CNTN4: variants seen among roughly 807,000 people sequenced by gnomAD.
The protein encoded by CNTN4 is contactin-4.
A neutral mutation model predicts 122.5 loss-of-function variants in CNTN4; 77 were observed. The ratio of observed to expected loss-of-function variants is 0.63; its 90% CI spans 0.52 to 0.76. The LOEUF (loss-of-function observed/expected upper bound fraction) is 0.76. Among genes scored for constraint, CNTN4 ranks in the 30% least tolerant of loss-of-function variants. The probability of loss-of-function intolerance (pLI) is 0.00; values close to 1 mark genes in which losing one functional copy is unlikely to be tolerated. For missense variants in CNTN4, 1,256 were observed against 1,259.1 expected, an observed-to-expected ratio of 1.00 and a Z score of 0.04; for synonymous variants, 512 against 447.0, an observed-to-expected ratio of 1.15 and a Z score of -1.83.
rs1266008991 is a variant in CNTN4, at chr3:3,047,675, G to A, written c.2811+3971G>A. Among the ~76,000 whole-genome samples, 4 of 149,590 alleles carry A rather than the reference G, an allele frequency of 2.7e-5. No homozygotes were observed. The East Asian group carries it at 5.8e-4, about 22-fold the overall frequency. Reference sequence around the variant, plus strand: ...CACTAAATGCCCACAAGAGAAAGCAGGAAAGATCTAAAATTGACACCCTAA... The same window carrying A: ...CACTAAATGCCCACAAGAGAAAGCAAGAAAGATCTAAAATTGACACCCTAA... On this transcript the variant is annotated intron_variant, in intron 23 of 24. Coordinates refer to ENST00000418658, the MANE Select transcript of CNTN4 (RefSeq NM_175607.3).
Position 2,384,662 on chromosome 3 carries a change from A to G in CNTN4, c.-89+45429A>G, listed in dbSNP as rs1299132250. The stretch of plus-strand genomic sequence containing the variant: ...TCTTTTTCTTCTATGACACCTGAAT[A>G]GGACTCTCACATCTCCCATGCTCTT... On this transcript the variant is annotated intron_variant, in intron 3 of 24. Transcript: ENST00000418658. 2.6e-5 allele frequency among the ~76,000 whole-genome samples: 4 copies of G among 152,152 alleles called. No homozygotes were observed. In the East Asian group the frequency reaches 7.7e-4, roughly 29 times the overall value.
At chr3:2,833,141 G>C (rs2093138735) in intron 7 of CNTN4, among the ~76,000 whole-genome samples, 3 of 152,112 alleles carry the variant, frequency 2.0e-5, no homozygotes, top group Admixed American at 2.0e-4. Context: ...GAAAATGAAT[G>C]GATGCATCTC....
At chr3:2,708,750 C>G (rs1374075760) in intron 4 of CNTN4, among the ~76,000 whole-genome samples, 2 of 31,378 alleles carry the variant, frequency 6.4e-5, no homozygotes, top group Non-Finnish European at 1.9e-4. Flanking sequence ...CACACACACA[C>G]ACACACACAC....
At chr3:2,763,911 A>G (rs1032569720) in intron 6 of CNTN4, among the ~76,000 whole-genome samples, 3 of 150,126 alleles carry the variant, frequency 2.0e-5, no homozygotes, top group African/African-American at 7.3e-5. Flanking sequence ...GAAGTTGGGT[A>G]GCATGATGCC....
chr3:2,838,079 C>T (rs2093267648), intron 7 of CNTN4, among the ~76,000 whole-genome samples: 1 of 152,104 alleles, frequency 6.6e-6, no homozygotes, highest in Admixed American at 6.6e-5. Context: ...GCTGTTCTGT[C>T]AGTTTTGTGA....
intron 2 of CNTN4, among the ~76,000 whole-genome samples, chr3:2,285,989 A>G (rs1232542938): frequency 6.6e-6 from 1 of 152,128 alleles, no homozygotes; most frequent in East Asian, 1.9e-4. Flanking sequence ...ATATGTATAT[A>G]TTTTGATGCT....
chr3:2,860,383 T>C (rs769496567), intron 7 of CNTN4, among the ~76,000 whole-genome samples: 2 of 152,150 alleles, frequency 1.3e-5, no homozygotes, highest in Non-Finnish European at 2.9e-5. Flanking sequence ...TCATCCCTGC[T>C]CTACTCAGCA....
At chr3:2,679,888 G>A (rs1413785960) in intron 4 of CNTN4, among the ~76,000 whole-genome samples, 1 of 151,978 alleles carries the variant, frequency 6.6e-6, no homozygotes, top group Admixed American at 6.6e-5. Flanking sequence ...TATCCTTGAG[G>A]GTAGTTGTCA....
chr3:2,899,853 C>G (rs141668810), intron 10 of CNTN4, among the ~76,000 whole-genome samples: 85 of 151,766 alleles, frequency 5.6e-4, no homozygotes, highest in African/African-American at 2.0e-3. Flanking sequence ...TCTATCAATA[C>G]GAAATCAATA....
intron 6 of CNTN4, among the ~76,000 whole-genome samples, chr3:2,798,397 C>CTATCTATCTATA (rs1553642420): frequency 0.094 from 13,793 of 147,352 alleles, 843 homozygotes; most frequent in Non-Finnish European, 0.13. Context: ...ATCTATATAT[C>CTATCTATCTATA]TATCTATCTA....
At chr3:2,673,504 A>C (rs899079899) in intron 4 of CNTN4, among the ~76,000 whole-genome samples, 2 of 151,984 alleles carry the variant, frequency 1.3e-5, no homozygotes, top group Non-Finnish European at 2.9e-5. Context: ...TGATCAGTAG[A>C]ATGTGGCAGA....
At chr3:2,322,336 A>G (rs1051232358) in intron 2 of CNTN4, among the ~76,000 whole-genome samples, 3 of 152,194 alleles carry the variant, frequency 2.0e-5, no homozygotes, top group African/African-American at 7.2e-5. Flanking sequence ...TGGTGTAAAC[A>G]TAGGACGGAA....
intron 2 of CNTN4, among the ~76,000 whole-genome samples, chr3:2,220,907 C>T (rs1381689173): frequency 1.3e-5 from 2 of 151,938 alleles, no homozygotes; most frequent in Non-Finnish European, 2.9e-5. Flanking sequence ...GTATCTTTAT[C>T]AGAAAAAAGG....
At chr3:2,570,168 A>G (rs2079357449) in intron 3 of CNTN4, among the ~76,000 whole-genome samples, 1 of 151,768 alleles carries the variant, frequency 6.6e-6, no homozygotes, top group Non-Finnish European at 1.5e-5. Flanking sequence ...TGAGTCATAC[A>G]GTGTTTAATT....
At chr3:2,738,751 C>T (rs1421838700) in intron 5 of CNTN4, among the ~76,000 whole-genome samples, 32 of 151,998 alleles carry the variant, frequency 2.1e-4, no homozygotes, top group Non-Finnish European at 4.4e-5. Flanking sequence ...GCAGCATACA[C>T]AAAAATCAAT....
chr3:2,788,041 C>T (rs921790888), intron 6 of CNTN4, among the ~76,000 whole-genome samples: 4 of 152,034 alleles, frequency 2.6e-5, no homozygotes, highest in Non-Finnish European at 5.9e-5. Context: ...CTGCCCACCT[C>T]GGCCTCTCAA....
intron 3 of CNTN4, among the ~76,000 whole-genome samples, chr3:2,365,254 G>A (rs561249124): frequency 3.9e-5 from 6 of 152,230 alleles, no homozygotes; most frequent in South Asian, 4.2e-4. Context: ...CACTCCCTGC[G>A]TAGTTCCTAC....
chr3:2,693,787 C>T (rs1416999831), intron 4 of CNTN4, among the ~76,000 whole-genome samples: 4 of 152,152 alleles, frequency 2.6e-5, no homozygotes, highest in Non-Finnish European at 5.9e-5. Context: ...CTCAAGAATA[C>T]TAGGAAACAC....
At chr3:2,187,378 T>C (rs2037320795) in intron 2 of CNTN4, among the ~76,000 whole-genome samples, 3 of 152,174 alleles carry the variant, frequency 2.0e-5, no homozygotes, top group Admixed American at 2.0e-4. Context: ...TCCAGCTTTG[T>C]TCTTTTGGCT....
Sources: gnomAD v4.1 joint callset for allele counts (sites outside exome capture counted in the v4.1 genomes callset) on GRCh38, gnomAD v4.1.1 for gene constraint, MANE v1.5 for transcripts, NCBI Gene and HGNC (gene_info 2026-07-23, HGNC 2026-07-21) for gene names.